MYO7A: variants seen among roughly 807,000 people sequenced by gnomAD.
MYO7A encodes myosin VIIA.
Under a neutral mutation model 263.8 loss-of-function variants are expected in MYO7A, and 210 were observed. That is an observed-to-expected ratio of 0.80 (90% CI 0.71 to 0.89). The LOEUF (loss-of-function observed/expected upper bound fraction) is 0.89. Among genes scored for constraint, MYO7A ranks in the 40% least tolerant of loss-of-function variants. The pLI, the probability that MYO7A is intolerant of heterozygous loss-of-function variation, is 0.00. For missense variants in MYO7A, 2,820 were observed against 2,968.3 expected, an observed-to-expected ratio of 0.95 and a Z score of 1.16; for synonymous variants, 1,239 against 1,197.3, an observed-to-expected ratio of 1.03 and a Z score of -0.72.
At chr11:77,169,115 G>A (rs1953838063) in intron 15 of MYO7A, among the ~76,000 whole-genome samples, 1 of 152,248 alleles carries the variant, frequency 6.6e-6, no homozygotes, top group Admixed American at 6.5e-5. Flanking sequence ...GAGACATTAA[G>A]TCACAGTTTA....
intron 32 of MYO7A, among the ~76,000 whole-genome samples, chr11:77,196,350 G>C (rs1956660791): frequency 7.1e-6 from 1 of 141,182 alleles, no homozygotes; most frequent in Non-Finnish European, 1.5e-5. Context: ...TGGGGGACAA[G>C]AGCAAGACTC....
chr11:77,153,707 G>A (rs782304807), intron 4 of MYO7A, among the ~76,000 whole-genome samples: 6 of 152,162 alleles, frequency 3.9e-5, no homozygotes, highest in South Asian at 2.1e-4. Context: ...CACAGCTGCC[G>A]GGGTGACCTT....
At chr11:77,130,401 G>A (rs1209611947) in intron 1 of MYO7A, among the ~76,000 whole-genome samples, 188 bp from the exon 2 acceptor site, 1 of 152,208 alleles carries the variant, frequency 6.6e-6, no homozygotes, top group Non-Finnish European at 1.5e-5. Flanking sequence ...CTGGGCAGTG[G>A]TGCTGGTGAC....
intron 46 of MYO7A, 73 bp downstream of exon 46, chr11:77,212,010 G>C: frequency 7.9e-7 from 1 of 1,267,120 alleles, no homozygotes; most frequent in Non-Finnish European, 1.1e-6. Flanking sequence ...CTCCTCCCTA[G>C]GACTGTGGGA....
chr11:77,136,358 C>T (rs1555047353), intron 2 of MYO7A, among the ~76,000 whole-genome samples: 1 of 152,184 alleles, frequency 6.6e-6, no homozygotes, highest in Non-Finnish European at 1.5e-5. Context: ...AGGCCTATTC[C>T]TCCAGCTCAA....
intron 46 of MYO7A, 77 bp from the exon 47 acceptor site, chr11:77,212,875 G>T: frequency 1.7e-6 from 2 of 1,183,234 alleles, no homozygotes; most frequent in Admixed American, 2.0e-5. Flanking sequence ...CCCAGCTGGG[G>T]CCAGGCTTCA....
At chr11:77,196,683 CT>C (rs1328773401) in intron 32 of MYO7A, among the ~76,000 whole-genome samples, 1 of 151,842 alleles carries the variant, frequency 6.6e-6, no homozygotes, top group Non-Finnish European at 1.5e-5. Flanking sequence ...ACATTGAGCT[CT>C]TTGCCTCTGA....
rs1278335737 is a variant in MYO7A, at chr11:77,201,534, G to T, written c.4939G>T (p.Gly1647Cys). Residue 1647 changes from glycine (G) to cysteine (C), a missense_variant, in exon 36 of 49, where the codon GGC becomes TGC. Physicochemically the swap from Gly to Cys is radical, Grantham distance 159. Coordinates refer to ENST00000409709, the MANE Select transcript of MYO7A (RefSeq NM_000260.4). ...CACGGGCGAGCAGGTCATGAACTCG[G>T]GCTGGGCCAACGGCATCAATGAGAG... ...HDTGEQVMNS[G>C]WANGINERTK... 6.2e-6 allele frequency: 10 copies of T among 1,613,824 alleles called. No homozygotes were observed. Among genetic ancestry groups the T allele is most frequent in the Non-Finnish European group, 8.5e-6 (10 of 1,179,892 alleles).
intron 3 of MYO7A, among the ~76,000 whole-genome samples, chr11:77,146,942 G>A (rs1272258473): frequency 6.6e-6 from 1 of 152,092 alleles, no homozygotes; most frequent in African/African-American, 2.4e-5. Flanking sequence ...CTTCCCAAAT[G>A]CTCACCCATC....
chr11:77,167,347 C>A (rs1027398087), intron 15 of MYO7A, among the ~76,000 whole-genome samples: 1 of 152,198 alleles, frequency 6.6e-6, no homozygotes, highest in South Asian at 2.1e-4. Flanking sequence ...CCCTGGTGGG[C>A]GCCTATGGCC....
At chr11:77,175,172 A>G (rs1591352006) in intron 17 of MYO7A, among the ~76,000 whole-genome samples, 200 bp from the exon 18 acceptor site, 1 of 152,304 alleles carries the variant, frequency 6.6e-6, no homozygotes, top group East Asian at 1.9e-4. Context: ...GTCAGTTGTG[A>G]GAAAGGGTTT....
At chr11:77,212,764 G>A (rs565338388) in intron 46 of MYO7A, 188 bp from the exon 47 acceptor site, 147 of 613,082 alleles carry the variant, frequency 2.4e-4, no homozygotes, top group African/African-American at 2.2e-3. Flanking sequence ...GGGGACCCAG[G>A]AAGGGATGTG....
chr11:77,129,375 T>A (rs1950697504), intron 1 of MYO7A, among the ~76,000 whole-genome samples: 1 of 152,168 alleles, frequency 6.6e-6, no homozygotes, highest in South Asian at 2.1e-4. Flanking sequence ...TCGGGCAGTG[T>A]CATGGGCAGA....
At chr11:77,142,430 T>G in intron 2 of MYO7A, 1 of 382,944 alleles carries the variant, frequency 2.6e-6, no homozygotes, top group Non-Finnish European at 5.1e-6. Context: ...TGGGGAGAGC[T>G]GGGCTTTGAG....
In MYO7A at chr11:77,182,035, T is replaced by C; in HGVS notation, c.2989T>C (p.Ser997Pro). Residue 997 changes from serine to proline, a missense_variant, in exon 24 of 49, where the codon TCT (serine) becomes CCT (proline). Physicochemically the swap from Ser to Pro is moderately conservative, Grantham distance 74. Coordinates refer to ENST00000409709, the MANE Select transcript of MYO7A (RefSeq NM_000260.4). Reference sequence around the variant, plus strand: ...GCCTGACGAGGATGAGGAGGACCTCTCTGAGTATAAATTTGCCAAGTTCGC... The same window carrying C: ...GCCTGACGAGGATGAGGAGGACCTCCCTGAGTATAAATTTGCCAAGTTCGC... The part of the protein sequence containing the change: ...PLPDEDEEDL[S>P]EYKFAKFAAT... 6.2e-7 allele frequency: 1 copy of C among 1,613,430 alleles called. No homozygotes were observed. Among genetic ancestry groups the C allele is most frequent in the Non-Finnish European group, 8.5e-7 (1 of 1,179,820 alleles).
At chr11:77,193,757 T>C (rs1956423120) in intron 31 of MYO7A, among the ~76,000 whole-genome samples, 1 of 152,164 alleles carries the variant, frequency 6.6e-6, no homozygotes, top group Admixed American at 6.5e-5. Context: ...GAGCTCTAGG[T>C]AGGCATCACT....
At chr11:77,150,867 A>G (rs1327007569) in intron 4 of MYO7A, among the ~76,000 whole-genome samples, 1 of 152,206 alleles carries the variant, frequency 6.6e-6, no homozygotes, top group Admixed American at 6.5e-5. Flanking sequence ...GGATTAGAGC[A>G]GGGCTTTGAA....
In MYO7A at chr11:77,199,784, G is replaced by A. The variant is rs746120027; in HGVS notation, c.4818G>A (p.Lys1606=). ...TAGAGGGGCTCCGGAAGAGATCTAA[G>A]TATGTTGTGGCCCTGCAGGATAACC... ...TFLEGLRKRS[K]YVVALQDNPN... is the part of the protein sequence containing the mutation. Residue 1606 remains lysine (K), a synonymous_variant, in exon 35 of 49, where the codon AAG becomes AAA. Coordinates refer to ENST00000409709, the MANE Select transcript of MYO7A (RefSeq NM_000260.4). The A allele has an allele frequency of 6.2e-7, 1 of 1,607,154 alleles. No individual in the cohort carries two copies. The highest frequency in any genetic ancestry group is 8.5e-7 in the Non-Finnish European group (1 of 1,174,660).
intron 4 of MYO7A, among the ~76,000 whole-genome samples, chr11:77,153,179 T>G (rs1165367587): frequency 5.3e-5 from 8 of 152,096 alleles, no homozygotes; most frequent in Non-Finnish European, 1.0e-4. Context: ...GGGAGGCACC[T>G]GCAGTGGGCT....
Sources: allele counts gnomAD v4.1 joint callset (sites outside exome capture counted in the v4.1 genomes callset), GRCh38; gene constraint gnomAD v4.1.1; transcripts MANE v1.5; gene names NCBI Gene and HGNC (gene_info 2026-07-23, HGNC 2026-07-21).